Variants in AK4 observed in about 807,000 individuals in gnomAD.
AK4 encodes the protein adenylate kinase 4, mitochondrial.
A neutral mutation model predicts 24.6 loss-of-function variants in AK4; 13 were observed. The observed-to-expected ratio is 0.53, with a 90% CI of 0.34 to 0.84. AK4 has a LOEUF of 0.84. Among genes scored for constraint, AK4 ranks in the 40% least tolerant of loss-of-function variants. The pLI is 0.01. For missense variants in AK4, 192 were observed against 288.2 expected (o/e 0.67, Z 2.42); for synonymous variants, 88 against 107.0 (o/e 0.82, Z 1.10).
chr1:65,209,879 C>G (rs951130514), intron 2 of AK4, among the ~76,000 whole-genome samples: 9 of 152,088 alleles, frequency 5.9e-5, no homozygotes, highest in African/African-American at 1.2e-4. Flanking sequence ...ATGAACATGG[C>G]TCACTGCAGC....
chr1:65,227,010 A>AT lies in AK4; in HGVS notation c.*835dup. 1 of 78,536 alleles carries AT rather than the reference A, an allele frequency of 1.3e-5. No individual in the cohort carries two copies. The highest frequency in any genetic ancestry group is 2.3e-5 in the Non-Finnish European group (1 of 43,018). 4.9% of individuals were successfully genotyped at this position (78,536 alleles called of 1,614,324 possible). A position where few individuals can be genotyped will look rare whatever the true frequency, so the allele number is the denominator to read the frequency against. The stretch of plus-strand genomic sequence containing the variant: ...TGGATTGACACTGTTCCTTTCTTTT[A>AT]TTGTGAAAAAAAAAAAAAACCCTGA... On this transcript the variant is annotated 3_prime_UTR_variant, in exon 5 of 5. Coordinates refer to ENST00000327299, the MANE Select transcript of AK4 (RefSeq NM_013410.4).
intron 1 of AK4, among the ~76,000 whole-genome samples, chr1:65,172,103 A>ATATATATATTTT (rs1553122938): frequency 8.7e-6 from 1 of 115,500 alleles, no homozygotes; most frequent in African/African-American, 3.3e-5. Flanking sequence ...ATATATATAT[A>ATATATATATTTT]TTTAAACTCA....
At chr1:65,203,106 C>T (rs1651714003) in intron 2 of AK4, among the ~76,000 whole-genome samples, 1 of 152,076 alleles carries the variant, frequency 6.6e-6, no homozygotes, top group Admixed American at 6.6e-5. Context: ...CTCCTATCCT[C>T]AAGCAATCCT....
At position 65,231,336 on chromosome 1, in the gene AK4, TGTGTGTGTGTG is replaced by T. The variant is rs1216788974; in HGVS notation, c.*5171_*5181del. 6.6e-6 allele frequency: 1 copy of T among 152,560 alleles called. No individual in the cohort carries two copies. The highest frequency in any genetic ancestry group is 1.5e-5 in the Non-Finnish European group (1 of 68,338). The allele number at this position is 152,560 out of a possible 1,614,324, so 9.5% of individuals were successfully genotyped here. A position where few individuals can be genotyped will look rare whatever the true frequency, so the allele number is the denominator to read the frequency against. On this transcript the variant is annotated 3_prime_UTR_variant, in exon 5 of 5. Coordinates refer to ENST00000327299, the MANE Select transcript of AK4 (RefSeq NM_013410.4). The stretch of plus-strand genomic sequence containing the variant: ...GGGAGTTCCCCAATTTGATCATTTT[TGTGTGTGTGTG>T]GTGTGTGTGTGAGAGAGAGAGATAC...
At chr1:65,166,687 A>G (rs773528416) in intron 1 of AK4, among the ~76,000 whole-genome samples, 3 of 152,082 alleles carry the variant, frequency 2.0e-5, no homozygotes, top group Non-Finnish European at 4.4e-5. Flanking sequence ...CACACCACCA[A>G]TTTTAAAGTT....
At chr1:65,189,570 G>A (rs1651223425) in intron 1 of AK4, among the ~76,000 whole-genome samples, 1 of 152,016 alleles carries the variant, frequency 6.6e-6, no homozygotes, top group Non-Finnish European at 1.5e-5. Flanking sequence ...GAGCCACTGC[G>A]CCCAGCTGAG....
chr1:65,206,720 A>G (rs1165327066), intron 2 of AK4, among the ~76,000 whole-genome samples: 2 of 152,266 alleles, frequency 1.3e-5, no homozygotes, highest in East Asian at 1.9e-4. Context: ...TAGAGATTGC[A>G]GTGAGCTATG....
chr1:65,170,647 C>T (rs750774725), intron 1 of AK4, among the ~76,000 whole-genome samples: 1 of 152,134 alleles, frequency 6.6e-6, no homozygotes, highest in Non-Finnish European at 1.5e-5. Context: ...TTAGTCGGCG[C>T]GAGATGTTCT....
rs533735255 is a variant in AK4 at position 65,229,683 on chromosome 1, A to G, written c.*3506A>G. On this transcript the variant is annotated 3_prime_UTR_variant, in exon 5 of 5. Coordinates refer to ENST00000327299, the MANE Select transcript of AK4 (RefSeq NM_013410.4). ...TTATGAATAGAATAAAAGACTGTCA[A>G]AGTAGGCTGGGCTTGGGCCCAGGCT... 1 of 152,226 alleles carries G rather than the reference A, an allele frequency of 6.6e-6. No individual in the cohort carries two copies. Among genetic ancestry groups the G allele is most frequent in the Non-Finnish European group, 1.5e-5 (1 of 68,040 alleles). 9.4% of individuals were successfully genotyped at this position (152,226 alleles called of 1,614,324 possible). A position where few individuals can be genotyped will look rare whatever the true frequency, so the allele number is the denominator to read the frequency against.
At chr1:65,207,043 A>G (rs951795626) in intron 2 of AK4, among the ~76,000 whole-genome samples, 2 of 152,326 alleles carry the variant, frequency 1.3e-5, no homozygotes, top group South Asian at 4.1e-4. Context: ...TCCTACCTGA[A>G]AGGAATTTAT....
chr1:65,190,449 T>TG (rs368147679), intron 1 of AK4, among the ~76,000 whole-genome samples: 957 of 50,770 alleles, frequency 0.019, 3 homozygotes, highest in East Asian at 0.042. Context: ...TTCCTTTTTT[T>TG]GGGGGGGGGG....
chr1:65,148,796 C>T (rs1649661548), intron 1 of AK4, among the ~76,000 whole-genome samples: 1 of 152,022 alleles, frequency 6.6e-6, no homozygotes, highest in African/African-American at 2.4e-5. Flanking sequence ...CTCCTCCTGT[C>T]GCGAGGAATA....
At chr1:65,150,832 A>G (rs1412063230) in intron 1 of AK4, among the ~76,000 whole-genome samples, 1 of 152,166 alleles carries the variant, frequency 6.6e-6, no homozygotes, top group East Asian at 1.9e-4. Flanking sequence ...TCTTGTCTAC[A>G]TGGCTTTCCT....
intron 1 of AK4, among the ~76,000 whole-genome samples, chr1:65,184,829 C>CT (rs1380120949): frequency 6.6e-5 from 10 of 152,130 alleles, no homozygotes; most frequent in African/African-American, 2.4e-4. Flanking sequence ...TTTGCTTTGT[C>CT]TGAGGATCTT....
intron 1 of AK4, among the ~76,000 whole-genome samples, chr1:65,159,184 C>T (rs1650073990): frequency 6.6e-6 from 1 of 152,186 alleles, no homozygotes; most frequent in Non-Finnish European, 1.5e-5. Context: ...TAACCTGTAA[C>T]CCTGGCATTT....
At chr1:65,188,680 G>T (rs556600851) in intron 1 of AK4, among the ~76,000 whole-genome samples, 1 of 151,734 alleles carries the variant, frequency 6.6e-6, no homozygotes, top group Non-Finnish European at 1.5e-5. Context: ...GGGTTTCACC[G>T]TGTTAGCCAG....
chr1:65,156,016 A>G (rs1201532265), intron 1 of AK4, among the ~76,000 whole-genome samples: 1 of 152,102 alleles, frequency 6.6e-6, no homozygotes, highest in African/African-American at 2.4e-5. Context: ...GTATTATAGT[A>G]TTACTGTTTT....
At chr1:65,154,767 A>C in intron 1 of AK4, 2 of 258,466 alleles carry the variant, frequency 7.7e-6, no homozygotes, top group Non-Finnish European at 1.6e-5. Flanking sequence ...CATTGTGTAC[A>C]AATCACTGGA....
intron 2 of AK4, among the ~76,000 whole-genome samples, chr1:65,207,552 G>GTT (rs398053072): frequency 1.8e-4 from 25 of 137,870 alleles, no homozygotes; most frequent in Admixed American, 2.2e-4. Context: ...CACAGCTGCT[G>GTT]TTTTTTTTTT....
Sources: gnomAD v4.1 joint callset for allele counts (sites outside exome capture counted in the v4.1 genomes callset) on GRCh38, gnomAD v4.1.1 for gene constraint, MANE v1.5 for transcripts, NCBI Gene and HGNC (gene_info 2026-07-23, HGNC 2026-07-21) for gene names.